Variants in KCNIP4 observed in about 807,000 individuals in gnomAD.
KCNIP4 encodes the protein Kv channel-interacting protein 4.
KCNIP4 carries 12 observed loss-of-function variants against 34.0 expected under a neutral mutation model. The ratio of observed to expected loss-of-function variants is 0.35; its 90% CI spans 0.23 to 0.57. The LOEUF is 0.57. KCNIP4 is among the 20% of genes least tolerant of loss of function. The pLI is 0.83. For missense variants in KCNIP4, 238 were observed against 311.7 expected (o/e 0.76, Z 1.78); for synonymous variants, 124 against 102.2 (o/e 1.21, Z -1.29).
At position 20,995,800 on chromosome 4, in the gene KCNIP4, G is replaced by A. The variant is rs541521418; in HGVS notation, c.62-113091C>T. ...ATTTGTGCAAAAAAATGTTGACACC[G>A]GTTATGTACCATGCAAAATATGCAA... On this transcript the variant is annotated intron_variant, in intron 1 of 8. Coordinates refer to ENST00000382152, the MANE Select transcript of KCNIP4 (RefSeq NM_025221.6). 1.2e-3 allele frequency among the ~76,000 whole-genome samples: 181 copies of A among 152,272 alleles called. 1 individual carries two copies. The highest frequency in any genetic ancestry group is 4.3e-3 in the African/African-American group (178 of 41,530).
Position 21,679,127 on chromosome 4 carries a change from G to T in KCNIP4, c.61+269444C>A, listed in dbSNP as rs79555465. On this transcript the variant is annotated intron_variant, in intron 1 of 8. Transcript: ENST00000382152. ...TGACTTTGGACTTCTAGCCTCAATT[G>T]CTGTGAGAAAACAAATTTCTGTTGT... Among the ~76,000 whole-genome samples, 484 of 152,246 alleles carry T rather than the reference G, an allele frequency of 3.2e-3. 14 individuals carry two copies. In the East Asian group the frequency reaches 0.064, roughly 20 times the overall value.
At chr4:21,479,688 A>T (rs1014601013) in intron 1 of KCNIP4, among the ~76,000 whole-genome samples, 2 of 152,188 alleles carry the variant, frequency 1.3e-5, no homozygotes, top group Non-Finnish European at 2.9e-5. Flanking sequence ...TCACAGTGAA[A>T]CATAGTTTCA....
chr4:21,187,255 T>G (rs936728921), intron 1 of KCNIP4, among the ~76,000 whole-genome samples: 1 of 152,210 alleles, frequency 6.6e-6, no homozygotes, highest in South Asian at 2.1e-4. Flanking sequence ...ATTTTATATG[T>G]ATACTTAGGT....
rs546688730 is a variant in KCNIP4 at position 20,900,347 on chromosome 4, C to T, written c.62-17638G>A. On this transcript the variant is annotated intron_variant, in intron 1 of 8. Coordinates refer to ENST00000382152, the MANE Select transcript of KCNIP4 (RefSeq NM_025221.6). Reference sequence around the variant, plus strand: ...GGATGATCAGAAGTCTGAAAACTAACGGAGTGTGTACATTAACCTGGTAGA... The same window carrying T: ...GGATGATCAGAAGTCTGAAAACTAATGGAGTGTGTACATTAACCTGGTAGA... Among the ~76,000 whole-genome samples the T allele has an allele frequency of 7.9e-5, 12 of 152,294 alleles. No homozygotes were observed. In the South Asian group the frequency reaches 8.3e-4, roughly 11 times the overall value.
intron 1 of KCNIP4, among the ~76,000 whole-genome samples, chr4:21,377,028 T>C (rs1211407462): frequency 6.6e-6 from 1 of 152,190 alleles, no homozygotes; most frequent in Non-Finnish European, 1.5e-5. Context: ...CTTTTTTCTT[T>C]ATTTTCAGTA....
chr4:21,709,130 CA>C (rs1202004232), intron 1 of KCNIP4, among the ~76,000 whole-genome samples: 1 of 148,370 alleles, frequency 6.7e-6, no homozygotes, highest in Non-Finnish European at 1.5e-5. Context: ...GTGAGATCCC[CA>C]AAAAAAAACA....
chr4:21,821,388 TA>T, intron 1 of KCNIP4, among the ~76,000 whole-genome samples: 1 of 152,262 alleles, frequency 6.6e-6, no homozygotes, highest in Non-Finnish European at 1.5e-5. Context: ...TTCCACCATA[TA>T]TTCAAGAGGA....
chr4:21,242,960 A>G (rs544973374), intron 1 of KCNIP4, among the ~76,000 whole-genome samples: 1 of 152,050 alleles, frequency 6.6e-6, no homozygotes, highest in African/African-American at 2.4e-5. Flanking sequence ...TACAACAGTA[A>G]CCAGTCAACA....
At chr4:21,275,349 G>A (rs1762378908) in intron 1 of KCNIP4, among the ~76,000 whole-genome samples, 1 of 152,140 alleles carries the variant, frequency 6.6e-6, no homozygotes, top group South Asian at 2.1e-4. Context: ...ACTGTTATGA[G>A]CCCATGCTGA....
At chr4:21,799,103 G>T (rs1482983354) in intron 1 of KCNIP4, among the ~76,000 whole-genome samples, 1 of 151,846 alleles carries the variant, frequency 6.6e-6, no homozygotes, top group Non-Finnish European at 1.5e-5. Context: ...CTAAGAATTT[G>T]GTACTTTAAT....
chr4:21,028,758 C>T (rs1013236206), intron 1 of KCNIP4, among the ~76,000 whole-genome samples: 1 of 152,084 alleles, frequency 6.6e-6, no homozygotes, highest in African/African-American at 2.4e-5. Context: ...CAATGCAAGA[C>T]AATGCAAAAA....
At chr4:21,216,092 A>C (rs972131361) in intron 1 of KCNIP4, among the ~76,000 whole-genome samples, 2 of 152,168 alleles carry the variant, frequency 1.3e-5, no homozygotes, top group Non-Finnish European at 2.9e-5. Context: ...CGCCCAGCCC[A>C]AGATATTTTC....
At chr4:20,944,094 T>C (rs1404723077) in intron 1 of KCNIP4, among the ~76,000 whole-genome samples, 1 of 152,192 alleles carries the variant, frequency 6.6e-6, no homozygotes, top group Non-Finnish European at 1.5e-5. Context: ...CATTGGGTGA[T>C]TATGATCAAA....
At chr4:21,375,526 C>A (rs183862665) in intron 1 of KCNIP4, among the ~76,000 whole-genome samples, 1 of 151,868 alleles carries the variant, frequency 6.6e-6, no homozygotes, top group Admixed American at 6.6e-5. Flanking sequence ...AAGAGCACAA[C>A]AAATAATTAC....
intron 1 of KCNIP4, among the ~76,000 whole-genome samples, chr4:20,912,770 C>A (rs1227152787): frequency 6.6e-6 from 1 of 152,100 alleles, no homozygotes. Flanking sequence ...GCCCAATAAG[C>A]ACCTGTAAGG....
At chr4:21,122,396 A>C (rs1215749232) in intron 1 of KCNIP4, among the ~76,000 whole-genome samples, 7 of 151,154 alleles carry the variant, frequency 4.6e-5, no homozygotes, top group African/African-American at 1.5e-4. Flanking sequence ...TTCTTGTAGG[A>C]ATCATTTCTC....
chr4:21,912,356 G>A (rs958743183), intron 1 of KCNIP4, among the ~76,000 whole-genome samples: 3 of 152,164 alleles, frequency 2.0e-5, no homozygotes, highest in Admixed American at 6.6e-5. Flanking sequence ...AACTATTTGA[G>A]CACCTCATAT....
intron 1 of KCNIP4, among the ~76,000 whole-genome samples, chr4:21,745,261 T>G (rs1716693941): frequency 6.6e-6 from 1 of 152,208 alleles, no homozygotes; most frequent in Non-Finnish European, 1.5e-5. Flanking sequence ...TGCTTTCATC[T>G]TGCAAGACAA....
At chr4:21,071,863 A>G (rs1464547885) in intron 1 of KCNIP4, among the ~76,000 whole-genome samples, 1 of 152,028 alleles carries the variant, frequency 6.6e-6, no homozygotes, top group Non-Finnish European at 1.5e-5. Flanking sequence ...TCATTGTTCA[A>G]TTCCCATCTA....
Sources: allele counts gnomAD v4.1 joint callset (sites outside exome capture counted in the v4.1 genomes callset), GRCh38; gene constraint gnomAD v4.1.1; transcripts MANE v1.5; gene names NCBI Gene and HGNC (gene_info 2026-07-23, HGNC 2026-07-21).